The following WNT7A variants were observed in gnomAD, a reference collection of about 807,000 sequenced individuals.
WNT7A encodes Wnt family member 7A.
In WNT7A, 16 loss-of-function variants were observed where a neutral mutation model predicts 28.2. The observed-to-expected ratio is 0.57, with a 90% CI of 0.38 to 0.86. WNT7A has a LOEUF of 0.86. Ranked by LOEUF, WNT7A falls within the 40% of genes least tolerant of loss-of-function variation. WNT7A has a pLI of 0.00. For synonymous variants in WNT7A, 190 were observed against 195.9 expected (o/e 0.97, Z 0.25); for missense variants, 411 against 489.7 (o/e 0.84, Z 1.52).
At chr3:13,851,599 C>A (rs955224267) in intron 3 of WNT7A, among the ~76,000 whole-genome samples, 1 of 152,224 alleles carries the variant, frequency 6.6e-6, no homozygotes, top group African/African-American at 2.4e-5. Context: ...CCCTGAATCA[C>A]AATTTTTGCT....
chr3:13,855,707 A>C (rs532229385), intron 2 of WNT7A, among the ~76,000 whole-genome samples: 1 of 152,256 alleles, frequency 6.6e-6, no homozygotes, highest in East Asian at 1.9e-4. Flanking sequence ...TCTGCTTTAC[A>C]GGGTGAAGAC....
chr3:13,827,107 T>G (rs1404494948), intron 3 of WNT7A, among the ~76,000 whole-genome samples: 1 of 152,172 alleles, frequency 6.6e-6, no homozygotes, highest in Non-Finnish European at 1.5e-5. Flanking sequence ...CAGGAAGGAC[T>G]GTGTCCCAGA....
At chr3:13,870,716 G>T (rs1057221381) in intron 2 of WNT7A, among the ~76,000 whole-genome samples, 15 of 152,230 alleles carry the variant, frequency 9.9e-5, no homozygotes, top group African/African-American at 3.6e-4. Flanking sequence ...TGCTCTTTCT[G>T]GGGGTACTTG....
At position 13,818,368 on chromosome 3, in the gene WNT7A, A is replaced by AAAAAAAAAAAAAAAAAAAAAAAG. The variant is rs1575056906; in HGVS notation, c.*575_*576insCTTTTTTTTTTTTTTTTTTTTTT. 2.7e-5 allele frequency: 4 copies of AAAAAAAAAAAAAAAAAAAAAAAG among 150,040 alleles called. No individual in the cohort carries two copies. Among genetic ancestry groups the AAAAAAAAAAAAAAAAAAAAAAAG allele is most frequent in the African/African-American group, 7.4e-5 (3 of 40,604 alleles). 9.3% of individuals were successfully genotyped at this position (150,040 alleles called of 1,614,324 possible). ...GCAAACAGCAAAAAAAAAAAAAAAAATGTGTGTGTGTATATCTATATATGC... is the reference window on the plus strand; with the variant it reads ...GCAAACAGCAAAAAAAAAAAAAAAAAAAAAAAAAAAAAAAAAAAAAAAGTGTGTGTGTGTATATCTATATATGC... On this transcript the variant is annotated 3_prime_UTR_variant, in exon 4 of 4. Transcript: ENST00000285018.
intron 2 of WNT7A, among the ~76,000 whole-genome samples, chr3:13,867,502 G>A (rs1259302227): frequency 1.3e-5 from 2 of 152,170 alleles, no homozygotes; most frequent in South Asian, 4.1e-4. Context: ...GGAATGAGAC[G>A]GAGGTGGACA....
chr3:13,879,663 A>G, intron 1 of WNT7A, 83 bp downstream of exon 1: 1 of 1,481,614 alleles, frequency 6.7e-7, no homozygotes, highest in Non-Finnish European at 9.2e-7. Flanking sequence ...TGGCCGGCAG[A>G]GGCTCGCAGG....
chr3:13,819,096 G>A lies in WNT7A; in HGVS notation c.898C>T (p.Gln300Ter). 6.2e-7 allele frequency: 1 copy of A among 1,614,092 alleles called. No homozygotes were observed. The highest frequency in any genetic ancestry group is 8.5e-7 in the Non-Finnish European group (1 of 1,180,000). Reference protein sequence around the residue: ...QGRACNKTAPQASGCDLMCCG... With the variant: ...QGRACNKTAP The stretch of plus-strand genomic sequence containing the variant: ...CACATGAGGTCACAGCCGCTGGCCT[G>A]GGGAGCCGTCTTGTTGCAGGCGCGG... The change falls in exon 4 of 4, where the codon CAG becomes TAG. Residue 300 changes from glutamine (Q) to a stop codon, truncating the protein, a stop_gained. Transcript: ENST00000285018. LOFTEE classifies it high-confidence loss of function.
intron 2 of WNT7A, among the ~76,000 whole-genome samples, chr3:13,862,087 T>C (rs1447838197): frequency 6.6e-6 from 1 of 152,230 alleles, no homozygotes; most frequent in Non-Finnish European, 1.5e-5. Flanking sequence ...CCTCTCTGAG[T>C]CTCAGCTTCC....
chr3:13,849,556 G>T (rs901298484), intron 3 of WNT7A, among the ~76,000 whole-genome samples: 7 of 152,134 alleles, frequency 4.6e-5, no homozygotes, highest in African/African-American at 1.7e-4. Context: ...TAGGTTTAGG[G>T]GTGAACTTAG....
At position 13,874,982 on chromosome 3, in the gene WNT7A, C is replaced by G. The variant is rs781617947; in HGVS notation, c.263G>C (p.Gly88Ala). The change falls in exon 2 of 4, where the codon GGA (glycine) becomes GCA (alanine). Residue 88 changes from glycine (G) to alanine (A), a missense_variant. Gly to Ala is a moderately conservative substitution (Grantham distance 60). Transcript: ENST00000285018. ...CTCCTTCCCGAAGACGGTGCGCTCT[C>G]CCAGTGCAGAGCAGTTCCAGCGGCC... Reference protein sequence around the residue: ...RNGRWNCSALGERTVFGKELK... With the variant: ...RNGRWNCSALAERTVFGKELK... 2 of 1,614,092 alleles carry G rather than the reference C, an allele frequency of 1.2e-6. No homozygotes were observed. Among genetic ancestry groups the G allele is most frequent in the African/African-American group, 2.7e-5 (2 of 74,952 alleles).
chr3:13,821,002 C>G (rs1000451946), intron 3 of WNT7A, among the ~76,000 whole-genome samples: 1 of 152,198 alleles, frequency 6.6e-6, no homozygotes, highest in Non-Finnish European at 1.5e-5. Context: ...GATGAGCAGC[C>G]CCTTCAAATG....
At chr3:13,869,568 T>G (rs1294829596) in intron 2 of WNT7A, among the ~76,000 whole-genome samples, 65 of 74,424 alleles carry the variant, frequency 8.7e-4, no homozygotes, top group East Asian at 1.5e-3. Flanking sequence ...AAGGAAGGAA[T>G]GAAGAGAGAG....
chr3:13,833,216 C>T (rs573363283), intron 3 of WNT7A, among the ~76,000 whole-genome samples: 3 of 152,226 alleles, frequency 2.0e-5, no homozygotes, highest in African/African-American at 4.8e-5. Context: ...AGCACACACT[C>T]TTACGCCTGT....
chr3:13,865,762 C>T (rs1227181101), intron 2 of WNT7A, among the ~76,000 whole-genome samples: 6 of 152,196 alleles, frequency 3.9e-5, no homozygotes, highest in African/African-American at 1.4e-4. Context: ...CACTTCTTCA[C>T]GTGTTCCATG....
intron 3 of WNT7A, among the ~76,000 whole-genome samples, chr3:13,824,357 G>A (rs1298897177): frequency 6.6e-6 from 1 of 152,132 alleles, no homozygotes; most frequent in Non-Finnish European, 1.5e-5. Flanking sequence ...ATAGTATGTG[G>A]CATTTTGCGT....
At chr3:13,851,827 T>A (rs1160425557) in intron 3 of WNT7A, among the ~76,000 whole-genome samples, 1 of 152,218 alleles carries the variant, frequency 6.6e-6, no homozygotes, top group Non-Finnish European at 1.5e-5. Flanking sequence ...GTGAACTTCG[T>A]ATTCTGGGAC....
chr3:13,874,859 G>C (rs1279643823), intron 2 of WNT7A, 88 bp downstream of exon 2: 12 of 1,340,488 alleles, frequency 9.0e-6, no homozygotes, highest in Non-Finnish European at 1.3e-5. Context: ...AGCAGGGGCA[G>C]GTGAGGGAGT....
chr3:13,859,000 C>T (rs1694789196), intron 2 of WNT7A, among the ~76,000 whole-genome samples: 1 of 152,206 alleles, frequency 6.6e-6, no homozygotes, highest in East Asian at 1.9e-4. Context: ...AATTACACAG[C>T]ACCTATGTGT....
At chr3:13,823,616 T>C (rs906657078) in intron 3 of WNT7A, among the ~76,000 whole-genome samples, 10 of 152,246 alleles carry the variant, frequency 6.6e-5, no homozygotes, top group African/African-American at 2.4e-4. Flanking sequence ...CAGTATTTTA[T>C]ATTAGTGGCT....
Sources: allele counts gnomAD v4.1 joint callset (sites outside exome capture counted in the v4.1 genomes callset), GRCh38; gene constraint gnomAD v4.1.1; transcripts MANE v1.5; gene names NCBI Gene and HGNC (gene_info 2026-07-23, HGNC 2026-07-21).